Variants in EPB41L4B observed in about 807,000 individuals in gnomAD.
The protein encoded by EPB41L4B is band 4.1-like protein 4B.
Under a neutral mutation model 112.5 loss-of-function variants are expected in EPB41L4B, and 30 were observed. The ratio of observed to expected loss-of-function variants is 0.27; its 90% CI spans 0.20 to 0.36. The LOEUF (loss-of-function observed/expected upper bound fraction) is 0.36, where lower values mean the gene tolerates loss of function less well. Among genes scored for constraint, EPB41L4B ranks in the 10% least tolerant of loss-of-function variants. The pLI, the probability that EPB41L4B is intolerant of heterozygous loss-of-function variation, is 1.00. For missense variants in EPB41L4B, 1,024 were observed against 1,133.3 expected, an observed-to-expected ratio of 0.90 and a Z score of 1.38; for synonymous variants, 408 against 439.7, an observed-to-expected ratio of 0.93 and a Z score of 0.90.
At chr9:109,314,003 T>C (rs987627227) in intron 1 of EPB41L4B, among the ~76,000 whole-genome samples, 3 of 152,214 alleles carry the variant, frequency 2.0e-5, no homozygotes, top group Admixed American at 6.5e-5. Flanking sequence ...GATGAATGCA[T>C]TGTAAACGAG....
At chr9:109,258,154 G>A in intron 7 of EPB41L4B, 23 bp downstream of exon 7, 1 of 1,606,056 alleles carries the variant, frequency 6.2e-7, no homozygotes, top group Non-Finnish European at 8.5e-7. Flanking sequence ...ACATCAGAAT[G>A]CTAGACGGTT....
intron 2 of EPB41L4B, among the ~76,000 whole-genome samples, chr9:109,278,112 G>A (rs1835904910): frequency 6.6e-6 from 1 of 152,112 alleles, no homozygotes; most frequent in African/African-American, 2.4e-5. Context: ...GACACTGGTC[G>A]GCCCAACCTC....
At chr9:109,225,079 A>C (rs1482886531) in intron 15 of EPB41L4B, among the ~76,000 whole-genome samples, 1 of 152,232 alleles carries the variant, frequency 6.6e-6, no homozygotes, top group Non-Finnish European at 1.5e-5. Flanking sequence ...TTGTGTATGT[A>C]TCTTGTCCTC....
chr9:109,307,234 T>C, intron 1 of EPB41L4B: 2 of 499,916 alleles, frequency 4.0e-6, no homozygotes, highest in South Asian at 1.5e-5. Context: ...TTCCTTTTTT[T>C]TTTTCCAGGA....
Position 109,176,544 on chromosome 9 carries a change from G to A in EPB41L4B, c.2633+7C>T. On this transcript the variant is annotated splice_region_variant and intron_variant, in intron 25 of 25. Coordinates refer to ENST00000374566, the MANE Select transcript of EPB41L4B (RefSeq NM_019114.5). Reference sequence around the variant, plus strand: ...ATTACCTGTCGGAACCTGCTGACCTGACCTACCTGGCTGCCAGAGAAACAG... The same window carrying A: ...ATTACCTGTCGGAACCTGCTGACCTAACCTACCTGGCTGCCAGAGAAACAG... The A allele has an allele frequency of 6.2e-7, 1 of 1,604,908 alleles. No individual in the cohort carries two copies.
Position 109,312,816 on chromosome 9 carries a change from C to T in EPB41L4B, c.306+7325G>A, listed in dbSNP as rs372028231. 2.2e-3 allele frequency among the ~76,000 whole-genome samples: 330 copies of T among 152,314 alleles called. 2 individuals are homozygous for T. The highest frequency in any genetic ancestry group is 4.8e-3 in the African/African-American group (199 of 41,568). ...ATCTGAATCCCCTACCCCAAGGAAC[C>T]CGGAGCCCAGGGATGGGGCTTTTCT... On this transcript the variant is annotated intron_variant, in intron 1 of 25. Coordinates refer to ENST00000374566, the MANE Select transcript of EPB41L4B (RefSeq NM_019114.5).
intron 16 of EPB41L4B, among the ~76,000 whole-genome samples, chr9:109,214,035 C>A (rs559071435): frequency 1.1e-4 from 16 of 152,222 alleles, no homozygotes; most frequent in Admixed American, 2.6e-4. Flanking sequence ...GAGCTGGACG[C>A]CCCTGGGTAC....
chr9:109,195,735 GTTATTA>G (rs1433231707), intron 20 of EPB41L4B, among the ~76,000 whole-genome samples: 1 of 152,092 alleles, frequency 6.6e-6, no homozygotes. Context: ...CAATAGCATA[GTTATTA>G]TTATTTAGTT....
intron 1 of EPB41L4B, among the ~76,000 whole-genome samples, chr9:109,318,178 T>C (rs2119298879): frequency 6.7e-6 from 1 of 149,830 alleles, no homozygotes; most frequent in Non-Finnish European, 1.5e-5. Context: ...TGTGTGTGTG[T>C]GTGCACGCGC....
chr9:109,175,864 G>T (rs1440702824), intron 25 of EPB41L4B, among the ~76,000 whole-genome samples: 1 of 152,170 alleles, frequency 6.6e-6, no homozygotes, highest in African/African-American at 2.4e-5. Context: ...TCAGGCACAT[G>T]CTTCCTCAGG....
intron 17 of EPB41L4B, among the ~76,000 whole-genome samples, chr9:109,209,746 A>C (rs927171434): frequency 6.6e-6 from 1 of 152,186 alleles, no homozygotes; most frequent in Non-Finnish European, 1.5e-5. Flanking sequence ...TATGCATTTC[A>C]TACGCATGTC....
At chr9:109,318,843 A>C (rs1391505889) in intron 1 of EPB41L4B, among the ~76,000 whole-genome samples, 1 of 152,212 alleles carries the variant, frequency 6.6e-6, no homozygotes, top group Non-Finnish European at 1.5e-5. Flanking sequence ...AAAGAACCAC[A>C]AAAATAAAAT....
chr9:109,268,275 AAT>A, intron 3 of EPB41L4B, 114 bp downstream of exon 3: 1 of 932,524 alleles, frequency 1.1e-6, no homozygotes, highest in Non-Finnish European at 1.6e-6. Flanking sequence ...CTTAATACCG[AAT>A]TGATTTTTAA....
At chr9:109,297,046 G>A (rs912903437) in intron 1 of EPB41L4B, among the ~76,000 whole-genome samples, 1 of 152,056 alleles carries the variant, frequency 6.6e-6, no homozygotes, top group Non-Finnish European at 1.5e-5. Flanking sequence ...AGGTAACTAA[G>A]CTGAAGTGAA....
chr9:109,213,012 A>C (rs532874968), intron 17 of EPB41L4B, among the ~76,000 whole-genome samples: 1 of 152,348 alleles, frequency 6.6e-6, no homozygotes, highest in African/African-American at 2.4e-5. Context: ...TCGAGAGTCA[A>C]GGGCTTTGCA....
intron 13 of EPB41L4B, among the ~76,000 whole-genome samples, chr9:109,250,613 G>C (rs1834750002): frequency 6.6e-6 from 1 of 152,180 alleles, no homozygotes; most frequent in Non-Finnish European, 1.5e-5. Flanking sequence ...AGCAAGAGCG[G>C]TATATGCCGG....
chr9:109,230,077 TCA>T (rs991275342), intron 15 of EPB41L4B, among the ~76,000 whole-genome samples: 4 of 152,134 alleles, frequency 2.6e-5, no homozygotes, highest in African/African-American at 9.7e-5. Flanking sequence ...CTTTAAATAT[TCA>T]CAGAGCAAAA....
chr9:109,201,594 T>C (rs1327520629), intron 19 of EPB41L4B, among the ~76,000 whole-genome samples: 1 of 152,032 alleles, frequency 6.6e-6, no homozygotes, highest in African/African-American at 2.4e-5. Flanking sequence ...GAAGAACGTA[T>C]AGTCTATTGA....
intron 1 of EPB41L4B, among the ~76,000 whole-genome samples, chr9:109,295,941 G>A (rs1836717437): frequency 6.6e-6 from 1 of 152,084 alleles, no homozygotes; most frequent in Non-Finnish European, 1.5e-5. Flanking sequence ...TCACTAAACA[G>A]TAACATGCAA....
Sources: gnomAD v4.1 joint callset for allele counts (sites outside exome capture counted in the v4.1 genomes callset) on GRCh38, gnomAD v4.1.1 for gene constraint, MANE v1.5 for transcripts, NCBI Gene and HGNC (gene_info 2026-07-23, HGNC 2026-07-21) for gene names.